The following TRDN variants were observed in gnomAD, a reference collection of about 807,000 sequenced individuals.
TRDN encodes the protein triadin, also known as triadin in skeletal muscle.
In TRDN, 161 loss-of-function variants were observed where a neutral mutation model predicts 149.7. That is an observed-to-expected ratio of 1.08 (90% confidence interval 0.95 to 1.23). The LOEUF (loss-of-function observed/expected upper bound fraction) is 1.23, where lower values mean the gene tolerates loss of function less well. Among genes scored for constraint, TRDN ranks in the 50% most tolerant of loss-of-function variants. The pLI is 0.00. For synonymous variants in TRDN, 294 were observed against 250.5 expected, an observed-to-expected ratio of 1.17 and a Z score of -1.64; for missense variants, 896 against 823.5, an observed-to-expected ratio of 1.09 and a Z score of -1.08.
chr6:123,490,941 A>G (rs2114796066), intron 9 of TRDN, among the ~76,000 whole-genome samples: 1 of 152,208 alleles, frequency 6.6e-6, no homozygotes, highest in East Asian at 1.9e-4. Context: ...CGTCTCTACT[A>G]AAAATAGAAA....
chr6:123,501,221 A>T (rs1475134518), intron 8 of TRDN, among the ~76,000 whole-genome samples: 1 of 152,116 alleles, frequency 6.6e-6, no homozygotes, highest in African/African-American at 2.4e-5. Flanking sequence ...CTATGTAATT[A>T]AATAATTACT....
At position 123,530,551 on chromosome 6, in the gene TRDN, T is replaced by C. The variant is rs554795197; in HGVS notation, c.439A>G (p.Lys147Glu). 1.0e-5 allele frequency: 13 copies of C among 1,251,436 alleles called. No individual in the cohort carries two copies. The highest frequency in any genetic ancestry group is 1.4e-5 in the Non-Finnish European group (13 of 934,148). 77.5% of individuals were successfully genotyped at this position (1,251,436 alleles called of 1,614,324 possible). Residue 147 changes from lysine (K) to glutamate (E), a missense_variant, in exon 5 of 41, where the codon AAG (lysine) becomes GAG (glutamate). Lys to Glu is a moderately conservative substitution (Grantham distance 56). Coordinates refer to ENST00000334268, the MANE Select transcript of TRDN (RefSeq NM_006073.4). ...PLRKKEIHKD[K>E]TEKQEKPERK... Reference sequence around the variant, plus strand: ...TCAGGTTTCTCTTGTTTTTCAGTCTTATCTTTGTGTATTTCTAAGAAAAAA... The same window carrying C: ...TCAGGTTTCTCTTGTTTTTCAGTCTCATCTTTGTGTATTTCTAAGAAAAAA...
chr6:123,543,938 A>G (rs1780981979), intron 4 of TRDN, among the ~76,000 whole-genome samples: 1 of 152,046 alleles, frequency 6.6e-6, no homozygotes, highest in African/African-American at 2.4e-5. Flanking sequence ...TAAGGAAAAA[A>G]GTGTACATAT....
chr6:123,610,393 T>C (rs1386237097), intron 1 of TRDN, among the ~76,000 whole-genome samples: 4 of 152,154 alleles, frequency 2.6e-5, no homozygotes, highest in African/African-American at 7.2e-5. Context: ...AGGAAGAGCT[T>C]TGAGTTACTG....
At chr6:123,376,350 T>C (rs1030746864) in intron 18 of TRDN, among the ~76,000 whole-genome samples, 2 of 152,182 alleles carry the variant, frequency 1.3e-5, no homozygotes, top group African/African-American at 2.4e-5. Context: ...TCAAATACTG[T>C]GAAAATATGA....
chr6:123,474,316 T>G (rs1777347088), intron 9 of TRDN, among the ~76,000 whole-genome samples: 2 of 152,150 alleles, frequency 1.3e-5, no homozygotes, highest in African/African-American at 4.8e-5. Flanking sequence ...AAACAGACTT[T>G]AAACCAACAA....
intron 9 of TRDN, among the ~76,000 whole-genome samples, chr6:123,473,289 T>C (rs1469989394): frequency 6.6e-6 from 1 of 151,740 alleles, no homozygotes; most frequent in Non-Finnish European, 1.5e-5. Context: ...GAGAACTACA[T>C]GAAGAATGCA....
rs191768263 is a variant in TRDN at position 123,252,475 on chromosome 6, A to G, written c.1952-40T>C. On this transcript the variant is annotated intron_variant, in intron 37 of 40. Transcript: ENST00000334268. Reference sequence around the variant, plus strand: ...TAAATAAGTTTTGTTTAACTGAGATAAAATGCAAGGAAATTATAAATCAGT... The same window carrying G: ...TAAATAAGTTTTGTTTAACTGAGATGAAATGCAAGGAAATTATAAATCAGT... 1.1e-4 allele frequency: 122 copies of G among 1,143,344 alleles called. No homozygotes were observed. The African/African-American group carries it at 1.5e-3, about 14-fold the overall frequency. 70.8% of individuals were successfully genotyped at this position (1,143,344 alleles called of 1,614,324 possible).
chr6:123,417,863 G>T (rs1211352086), intron 12 of TRDN, among the ~76,000 whole-genome samples: 2 of 152,186 alleles, frequency 1.3e-5, no homozygotes, highest in Non-Finnish European at 2.9e-5. Flanking sequence ...ACAGAGCAGA[G>T]CAGCTATATT....
intron 12 of TRDN, among the ~76,000 whole-genome samples, chr6:123,416,775 C>A (rs1291173128): frequency 2.0e-5 from 3 of 151,282 alleles, no homozygotes. Context: ...AATCTCAGCT[C>A]GCTGAAACCT....
chr6:123,551,899 C>T (rs889103250), intron 2 of TRDN, among the ~76,000 whole-genome samples: 2 of 152,006 alleles, frequency 1.3e-5, no homozygotes, highest in Non-Finnish European at 2.9e-5. Context: ...AAGGGGTTTT[C>T]TTGCTCTTAA....
intron 37 of TRDN, among the ~76,000 whole-genome samples, chr6:123,254,631 G>A (rs1776491000): frequency 6.6e-6 from 1 of 151,866 alleles, no homozygotes. Context: ...TCTGCATTGT[G>A]CATGCTGGCA....
intron 30 of TRDN, 41 bp downstream of exon 30, chr6:123,271,098 T>A: frequency 7.7e-7 from 1 of 1,302,184 alleles, no homozygotes; most frequent in Non-Finnish European, 1.1e-6. Flanking sequence ...CCACATAACA[T>A]ATAATGAGAC....
chr6:123,342,120 C>T (rs532906730), intron 21 of TRDN, among the ~76,000 whole-genome samples: 210 of 151,952 alleles, frequency 1.4e-3, no homozygotes, highest in African/African-American at 3.8e-3. Context: ...TATCCTTATG[C>T]GCCTTAATAA....
chr6:123,594,987 T>TA (rs1186318171), intron 1 of TRDN, among the ~76,000 whole-genome samples: 3 of 151,672 alleles, frequency 2.0e-5, no homozygotes, highest in African/African-American at 7.2e-5. Context: ...GGTATGCAAA[T>TA]AGCGTTAAGT....
chr6:123,428,172 G>C (rs13199404), intron 12 of TRDN, among the ~76,000 whole-genome samples: 1 of 151,928 alleles, frequency 6.6e-6, no homozygotes, highest in Non-Finnish European at 1.5e-5. Context: ...CGAATGTTTT[G>C]GACAAAGTTT....
At chr6:123,563,968 TTTTACCACAA>T (rs1782136557) in intron 2 of TRDN, among the ~76,000 whole-genome samples, 1 of 152,144 alleles carries the variant, frequency 6.6e-6, no homozygotes, top group South Asian at 2.1e-4. Flanking sequence ...CAATATCCGG[TTTTACCACAA>T]TTTCAAAAGA....
At chr6:123,462,991 T>C (rs1403817355) in intron 10 of TRDN, 1 of 152,188 alleles carries the variant, frequency 6.6e-6, no homozygotes, top group Admixed American at 6.5e-5. Context: ...CAAACCTTGT[T>C]ATTTTATTCA....
Position 123,525,046 on chromosome 6 carries a change from T to C in TRDN, c.484+5460A>G, listed in dbSNP as rs79979963. On this transcript the variant is annotated intron_variant, in intron 5 of 40. Coordinates refer to ENST00000334268, the MANE Select transcript of TRDN (RefSeq NM_006073.4). ...ATTCAGAATGGTTACTATTAAAAAG[T>C]CAAAAACAACAGATGTCATGGATGC... Among the ~76,000 whole-genome samples the C allele has an allele frequency of 7.8e-3, 1,190 of 152,112 alleles. 19 individuals carry two copies. Among genetic ancestry groups the C allele is most frequent in the African/African-American group, 0.027 (1,129 of 41,494 alleles).
Sources: allele counts gnomAD v4.1 joint callset (sites outside exome capture counted in the v4.1 genomes callset), GRCh38; gene constraint gnomAD v4.1.1; transcripts MANE v1.5; gene names NCBI Gene and HGNC (gene_info 2026-07-23, HGNC 2026-07-21).